Variants in TGM3 observed in about 807,000 individuals in gnomAD.
TGM3 encodes transglutaminase 3.
A neutral mutation model predicts 73.8 loss-of-function variants in TGM3; 52 were observed. The ratio of observed to expected loss-of-function variants is 0.70; its 90% CI spans 0.56 to 0.89. The LOEUF (loss-of-function observed/expected upper bound fraction) is 0.89. Ranked by LOEUF, TGM3 falls within the 40% of genes least tolerant of loss-of-function variation. TGM3 has a pLI of 0.00. For missense variants in TGM3, 928 were observed against 909.9 expected (o/e 1.02, Z -0.26); for synonymous variants, 372 against 354.9 (o/e 1.05, Z -0.54).
At chr20:2,321,476 G>C (rs2084262797) in intron 7 of TGM3, among the ~76,000 whole-genome samples, 1 of 152,162 alleles carries the variant, frequency 6.6e-6, no homozygotes, top group African/African-American at 2.4e-5. Context: ...CCTACAGAAG[G>C]GCAGGGTTTG....
chr20:2,331,565 A>T (rs1248329617), intron 9 of TGM3, among the ~76,000 whole-genome samples: 2 of 152,216 alleles, frequency 1.3e-5, no homozygotes, highest in African/African-American at 4.8e-5. Context: ...AAATTTTTTA[A>T]TTAAGTCAGT....
chr20:2,335,162 C>T lies in TGM3; in HGVS notation c.1689C>T (p.Tyr563=). ...TCTCGTACGCTCAGTATGAGAAGTA[C>T]CTGAAGTCAGACAACATGATCCGGA... ...IKISYAQYEK[Y]LKSDNMIRIT... is the part of the protein sequence containing the mutation. The change falls in exon 11 of 13, where the codon TAC becomes TAT. Residue 563 remains tyrosine (Y), a synonymous_variant. Transcript: ENST00000381458. 1 of 1,614,202 alleles carries T rather than the reference C, an allele frequency of 6.2e-7. No individual in the cohort carries two copies. Among genetic ancestry groups the T allele is most frequent in the Non-Finnish European group, 8.5e-7 (1 of 1,180,036 alleles).
At chr20:2,320,402 T>C (rs1278968515) in intron 7 of TGM3, among the ~76,000 whole-genome samples, 1 of 152,224 alleles carries the variant, frequency 6.6e-6, no homozygotes. Flanking sequence ...TTATTTTTCA[T>C]GGATGAGAAA....
At chr20:2,326,326 G>A (rs2084287660) in intron 8 of TGM3, among the ~76,000 whole-genome samples, 1 of 152,132 alleles carries the variant, frequency 6.6e-6, no homozygotes, top group African/African-American at 2.4e-5. Context: ...TTCTCCACTG[G>A]TCACCACCCA....
intron 8 of TGM3, among the ~76,000 whole-genome samples, chr20:2,326,677 C>T (rs535133036): frequency 3.9e-5 from 6 of 152,120 alleles, no homozygotes; most frequent in Non-Finnish European, 7.4e-5. Flanking sequence ...GGTGAAACCC[C>T]GTCTCTAGTA....
In TGM3 at chr20:2,340,563, C is replaced by T. The variant is rs1024562956; in HGVS notation, c.2064C>T (p.Ser688=). The change falls in exon 13 of 13, where the codon TCC becomes TCT. Residue 688 remains serine (S), a synonymous_variant. Coordinates refer to ENST00000381458, the MANE Select transcript of TGM3 (RefSeq NM_003245.4). Reference sequence around the variant, plus strand: ...TCCCTGCAATCAAGGCCATGTTGTCCATCGATGTAGCCGAATGAAGGGCGC... The same window carrying T: ...TCCCTGCAATCAAGGCCATGTTGTCTATCGATGTAGCCGAATGAAGGGCGC... ...NKFPAIKAML[S]IDVAE 6.8e-6 allele frequency: 11 copies of T among 1,614,056 alleles called. No individual in the cohort carries two copies. Among genetic ancestry groups the T allele is most frequent in the Non-Finnish European group, 8.5e-6 (10 of 1,180,030 alleles).
Position 2,313,340 on chromosome 20 carries a change from G to A in TGM3, c.669+314G>A, listed in dbSNP as rs553446264. Among the ~76,000 whole-genome samples the A allele has an allele frequency of 3.9e-5, 6 of 152,326 alleles. No homozygotes were observed. In the East Asian group the frequency reaches 1.2e-3, roughly 29 times the overall value. On this transcript the variant is annotated intron_variant, in intron 5 of 12. Transcript: ENST00000381458. ...AGCTTGCTCTTTGAGTGCCTGCCAA[G>A]GATGGGAGAATGCAAAGCTAGGGCT...
At chr20:2,336,536 C>A (rs546605125) in intron 11 of TGM3, among the ~76,000 whole-genome samples, 1 of 150,730 alleles carries the variant, frequency 6.6e-6, no homozygotes, top group African/African-American at 2.4e-5. Context: ...TGGCTGCAGG[C>A]GTTCCTGACC....
chr20:2,328,238 C>G lies in TGM3; in HGVS notation c.1206C>G (p.Tyr402Ter). The part of the protein sequence containing the change: ...EVNADRITWL[Y>*]DNTTGKQWKN... The stretch of plus-strand genomic sequence containing the variant: ...ATGCCGACCGCATCACCTGGCTGTA[C>G]GACAACACCACTGGCAAACAGTGGA... The change falls in exon 9 of 13, where the codon TAC becomes TAG. Residue 402 changes from tyrosine (Y) to a stop codon, truncating the protein, a stop_gained. Transcript: ENST00000381458. LOFTEE classifies it high-confidence loss of function. This position sits in a 1 kb window ranked among gnomAD's most constrained non-coding sequence, Gnocchi z 5.2. 1 of 1,614,118 alleles carries G rather than the reference C, an allele frequency of 6.2e-7. No individual in the cohort carries two copies. The highest frequency in any genetic ancestry group is 8.5e-7 in the Non-Finnish European group (1 of 1,180,024).
rs1264352447 is a variant in TGM3, at chr20:2,310,235, G to A, written c.239G>A (p.Ser80Asn). Residue 80 changes from serine to asparagine, a missense_variant, in exon 3 of 13, where the codon AGT becomes AAT. Physicochemically the swap from Ser to Asn is conservative, Grantham distance 46. Transcript: ENST00000381458. The part of the protein sequence containing the change: ...TKAVFPLSNG[S>N]SGGWSAVLQA... ...GCTGTGTTTCCACTCTCCAATGGCA[G>A]TAGTGGTGGCTGGAGTGCGGTGCTT... The A allele has an allele frequency of 8.1e-6, 13 of 1,614,248 alleles. No homozygotes were observed. Among genetic ancestry groups the A allele is most frequent in the Non-Finnish European group, 1.1e-5 (13 of 1,180,040 alleles).
intron 2 of TGM3, 42 bp downstream of exon 2, chr20:2,309,872 T>G (rs563453318): frequency 5.0e-6 from 8 of 1,611,318 alleles, no homozygotes; most frequent in African/African-American, 1.3e-5. Flanking sequence ...CACACATACT[T>G]GAGTAGCCCT....
At chr20:2,310,448 C>A (rs2122219143) in intron 3 of TGM3, 31 bp downstream of exon 3, 1 of 1,606,540 alleles carries the variant, frequency 6.2e-7, no homozygotes, top group South Asian at 1.1e-5. Flanking sequence ...ACTCTCAGCC[C>A]TGGCCTAAGC....
At position 2,332,337 on chromosome 20, in the gene TGM3, T is replaced by A; in HGVS notation, c.1642+27T>A. 1 of 1,542,172 alleles carries A rather than the reference T, an allele frequency of 6.5e-7. No homozygotes were observed. ...TAACGCATCCCGCAGTTGGAGGAGA[T>A]CCACGAATCCGAGGTAGCCAATGGC... On this transcript the variant is annotated intron_variant, in intron 10 of 12. Transcript: ENST00000381458. The surrounding 1 kb of genome is among the most constrained non-coding windows in gnomAD (Gnocchi z 4.4).
intron 12 of TGM3, 46 bp downstream of exon 12, chr20:2,340,033 C>CGGGGGGGGGGGGGGGGG: frequency 7.6e-5 from 15 of 196,586 alleles, no homozygotes; most frequent in Non-Finnish European, 1.5e-4. Context: ...CGGGAGGGGG[C>CGGGGGGGGGGGGGGGGG]GGGGGGGCCC....
chr20:2,323,417 A>G (rs781277896), intron 7 of TGM3, among the ~76,000 whole-genome samples: 1 of 152,202 alleles, frequency 6.6e-6, no homozygotes, highest in Non-Finnish European at 1.5e-5. Flanking sequence ...TTGATATCCC[A>G]TTCCATGGCT....
chr20:2,315,980 G>A (rs2084231196), intron 5 of TGM3, among the ~76,000 whole-genome samples: 1 of 152,160 alleles, frequency 6.6e-6, no homozygotes, highest in Non-Finnish European at 1.5e-5. Context: ...CTTCAAGGCT[G>A]GTGTCATTTC....
Position 2,312,800 on chromosome 20 carries a change from T to A in TGM3, c.541-98T>A. On this transcript the variant is annotated intron_variant, in intron 4 of 12. Coordinates refer to ENST00000381458, the MANE Select transcript of TGM3 (RefSeq NM_003245.4). ...TTCCAGAGGCCACAGAGTCAAAGGA[T>A]CTGATAGTTCCTGTGGTTCTTGCCA... 16 of 1,503,596 alleles carry A rather than the reference T, an allele frequency of 1.1e-5. No homozygotes were observed. The South Asian group carries it at 1.9e-4, about 18-fold the overall frequency. The allele number at this position is 1,503,596 out of a possible 1,614,324, so 93.1% of individuals were successfully genotyped here. A position where few individuals can be genotyped will look rare whatever the true frequency, so the allele number is the denominator to read the frequency against.
chr20:2,309,889 T>C (rs2084194146), intron 2 of TGM3, 59 bp downstream of exon 2: 2 of 1,601,236 alleles, frequency 1.2e-6, no homozygotes, highest in South Asian at 2.2e-5. Flanking sequence ...CCCTTGTTCA[T>C]TCAAGGACTG....
In TGM3 at chr20:2,325,391, C is replaced by A. The variant is rs181495504; in HGVS notation, c.984-458C>A. Among the ~76,000 whole-genome samples, 47 of 152,292 alleles carry A rather than the reference C, an allele frequency of 3.1e-4. No homozygotes were observed. In the East Asian group the frequency reaches 6.8e-3, roughly 22 times the overall value. On this transcript the variant is annotated intron_variant, in intron 7 of 12. Coordinates refer to ENST00000381458, the MANE Select transcript of TGM3 (RefSeq NM_003245.4). ...ACGGTGTGGCTCTTAGATAAGTCAG[C>A]CACTCCTGCAGCAACCCCATTCATT...
Sources: allele counts gnomAD v4.1 joint callset (sites outside exome capture counted in the v4.1 genomes callset), GRCh38; gene constraint gnomAD v4.1.1; non-coding constraint Gnocchi (gnomAD v3.1); transcripts MANE v1.5; gene names NCBI Gene and HGNC (gene_info 2026-07-23, HGNC 2026-07-21).